The following DNA2 variants were observed in gnomAD, a reference collection of about 807,000 sequenced individuals.
The protein encoded by DNA2 is DNA replication helicase/nuclease 2.
DNA2 carries 101 observed loss-of-function variants against 119.1 expected under a neutral mutation model. The ratio of observed to expected loss-of-function variants is 0.85; its 90% CI spans 0.72 to 1.00. The LOEUF (loss-of-function observed/expected upper bound fraction) is 1.00. Ranked by LOEUF, DNA2 falls within the 50% of genes least tolerant of loss-of-function variation. DNA2 has a pLI of 0.00. For synonymous variants in DNA2, 366 were observed against 424.4 expected (o/e 0.86, Z 1.69); for missense variants, 1,121 against 1,255.5 (o/e 0.89, Z 1.62).
chr10:68,460,906 T>C (rs568001084), intron 4 of DNA2, among the ~76,000 whole-genome samples: 1 of 132,734 alleles, frequency 7.5e-6, no homozygotes, highest in East Asian at 2.3e-4. Context: ...TGAGACCCTG[T>C]TTAAAAAAAA....
At chr10:68,465,081 T>C (rs959315306) in intron 4 of DNA2, among the ~76,000 whole-genome samples, 15 of 149,174 alleles carry the variant, frequency 1.0e-4, no homozygotes, top group East Asian at 9.9e-4. Flanking sequence ...TGCAGTGGTG[T>C]GATCTCGGCT....
chr10:68,444,670 G>A (rs1349747839), intron 8 of DNA2, among the ~76,000 whole-genome samples: 1 of 146,538 alleles, frequency 6.8e-6, no homozygotes, highest in African/African-American at 2.6e-5. Context: ...GTTGTGGTGA[G>A]CCGAGATTGC....
At chr10:68,430,724 A>G in intron 13 of DNA2, 64 bp from the exon 14 acceptor site, 2 of 1,241,474 alleles carry the variant, frequency 1.6e-6, no homozygotes, top group South Asian at 3.1e-5. Flanking sequence ...AATTTTTAAC[A>G]TGTTTATAAA....
intron 5 of DNA2, among the ~76,000 whole-genome samples, chr10:68,453,058 G>A (rs746277600): frequency 2.0e-5 from 3 of 151,446 alleles, no homozygotes; most frequent in South Asian, 2.1e-4. Flanking sequence ...GCACCACCAC[G>A]CCTGGCTAAT....
intron 10 of DNA2, among the ~76,000 whole-genome samples, chr10:68,436,517 T>C (rs769413873): frequency 3.3e-5 from 5 of 152,156 alleles, no homozygotes; most frequent in African/African-American, 4.8e-5. Context: ...TTGCACAATA[T>C]TGGGAATATA....
At chr10:68,464,356 T>C (rs1226184509) in intron 4 of DNA2, among the ~76,000 whole-genome samples, 1 of 151,190 alleles carries the variant, frequency 6.6e-6, no homozygotes, top group East Asian at 2.0e-4. Flanking sequence ...TCACTAAAAG[T>C]ACAAAAAAAT....
At chr10:68,448,980 T>TGTGTGCGC (rs1554907490) in intron 6 of DNA2, among the ~76,000 whole-genome samples, 3 of 142,116 alleles carry the variant, frequency 2.1e-5, no homozygotes, top group African/African-American at 8.9e-5. Context: ...TGTGTGTGTG[T>TGTGTGCGC]GTGTGTAGTA....
chr10:68,437,911 C>T (rs1423488381), intron 9 of DNA2, among the ~76,000 whole-genome samples: 1 of 152,006 alleles, frequency 6.6e-6, no homozygotes, highest in African/African-American at 2.4e-5. Flanking sequence ...AGGGTTTCAC[C>T]ATGTTGGCCA....
At position 68,437,190 on chromosome 10, in the gene DNA2, C is replaced by T. The variant is rs1166512024; in HGVS notation, c.1467G>A (p.Lys489=). Reference sequence around the variant, plus strand: ...GTAAATATTGCCCATCACAAACTATCTTTACATGTTCCATTCTAATCAGGT... The same window carrying T: ...GTAAATATTGCCCATCACAAACTATTTTTACATGTTCCATTCTAATCAGGT... ...IGNLIRMEHV[K]IVCDGQYLHN... The change falls in exon 10 of 21, where the codon AAG becomes AAA. Residue 489 remains lysine, a synonymous_variant. Coordinates refer to ENST00000358410, the MANE Select transcript of DNA2 (RefSeq NM_001080449.3). 1.2e-6 allele frequency: 2 copies of T among 1,613,320 alleles called. No individual in the cohort carries two copies. Among genetic ancestry groups the T allele is most frequent in the South Asian group, 2.2e-5 (2 of 91,072 alleles).
intron 5 of DNA2, 99 bp downstream of exon 5, chr10:68,459,005 G>T (rs2052221341): frequency 9.1e-7 from 1 of 1,099,306 alleles, no homozygotes; most frequent in Admixed American, 3.5e-5. Flanking sequence ...ATGGCTAATT[G>T]TAATTACTCA....
upstream of DNA2, chr10:68,472,233 T>A: frequency 8.4e-7 from 1 of 1,190,728 alleles, no homozygotes; most frequent in Non-Finnish European, 1.1e-6. Flanking sequence ...TAGCTGGGAC[T>A]ACAGGCGCCC....
intron 9 of DNA2, among the ~76,000 whole-genome samples, chr10:68,441,898 G>C (rs1054436011): frequency 6.6e-6 from 1 of 152,016 alleles, no homozygotes; most frequent in Non-Finnish European, 1.5e-5. Context: ...CGATGAAAAA[G>C]TGTATACTGA....
chr10:68,437,259 A>AG lies in DNA2; in HGVS notation c.1416-19dup, dbSNP rs750967414. ...TCTTCTCCCTATGAAAAGACCAAAG[A>AG]GAAAAAAACTTCTGTTTATATTACA... is the stretch of plus-strand genomic sequence containing the variant. On this transcript the variant is annotated intron_variant, in intron 9 of 20. Coordinates refer to ENST00000358410, the MANE Select transcript of DNA2 (RefSeq NM_001080449.3). The AG allele has an allele frequency of 1.3e-6, 2 of 1,573,490 alleles. No homozygotes were observed. Among genetic ancestry groups the AG allele is most frequent in the African/African-American group, 2.7e-5 (2 of 73,416 alleles).
At chr10:68,468,989 G>A (rs982990049) in intron 2 of DNA2, among the ~76,000 whole-genome samples, 9 of 152,088 alleles carry the variant, frequency 5.9e-5, no homozygotes, top group Non-Finnish European at 1.0e-4. Flanking sequence ...AGCGGAGGTT[G>A]CAGTGAGCCG....
At chr10:68,460,030 T>TACACACACACACACAC (rs150226727) in intron 4 of DNA2, among the ~76,000 whole-genome samples, 15 of 145,598 alleles carry the variant, frequency 1.0e-4, no homozygotes, top group African/African-American at 2.3e-4. Context: ...CCATCACAAA[T>TACACACACACACACAC]ACACACACAC....
rs559735066 is a variant in DNA2 at position 68,431,862 on chromosome 10, G to A, written c.1983C>T (p.Leu661=). Reference sequence around the variant, plus strand: ...CTAAGCAGAAGAATAATAACCTTACGAGAGTACATATCGTAGTTGTTTTTC... The same window carrying A: ...CTAAGCAGAAGAATAATAACCTTACAAGAGTACATATCGTAGTTGTTTTTC... ...GTGKTTTICT[L]VRILYACGFS... Residue 661 remains leucine (L), a splice_region_variant and synonymous_variant, in exon 13 of 21, where the codon CTC becomes CTT. Coordinates refer to ENST00000358410, the MANE Select transcript of DNA2 (RefSeq NM_001080449.3). The A allele has an allele frequency of 1.2e-5, 19 of 1,598,520 alleles. No homozygotes were observed. Among genetic ancestry groups the A allele is most frequent in the African/African-American group, 5.4e-5 (4 of 74,692 alleles).
intron 9 of DNA2, among the ~76,000 whole-genome samples, chr10:68,439,468 A>G (rs2051937662): frequency 6.6e-6 from 1 of 152,146 alleles, no homozygotes; most frequent in Non-Finnish European, 1.5e-5. Context: ...TGGGAGGCCA[A>G]GGCAGCTGGA....
Position 68,446,329 on chromosome 10 carries a change from A to T in DNA2, c.1024T>A (p.Tyr342Asn). The T allele has an allele frequency of 6.3e-7, 1 of 1,596,018 alleles. No homozygotes were observed. The highest frequency in any genetic ancestry group is 1.1e-5 in the South Asian group (1 of 87,844). The change falls in exon 7 of 21, where the codon TAC (tyrosine) becomes AAC (asparagine). Residue 342 changes from tyrosine to asparagine, a missense_variant. Tyr to Asn is a moderately radical substitution (Grantham distance 143, BLOSUM62 -2). Transcript: ENST00000358410. ...TCTAGATGGTTGGCAGGCACAGGGT[A>T]CATCTGACCAGTCTTGAGGTAGAGA... is the stretch of plus-strand genomic sequence containing the variant. ...LLLYLKTGQM[Y>N]PVPANHLDKR...
At chr10:68,444,804 T>C (rs2052016770) in intron 8 of DNA2, 117 bp downstream of exon 8, 1 of 605,888 alleles carries the variant, frequency 1.7e-6, no homozygotes, top group Non-Finnish European at 2.7e-6. Context: ...CGAAGGAAAA[T>C]ATAAAGGAAA....
Sources: gnomAD v4.1 joint callset for allele counts (sites outside exome capture counted in the v4.1 genomes callset) on GRCh38, gnomAD v4.1.1 for gene constraint, MANE v1.5 for transcripts, NCBI Gene and HGNC (gene_info 2026-07-23, HGNC 2026-07-21) for gene names.